The following NEK11 variants were observed in gnomAD, a reference collection of about 807,000 sequenced individuals.
The protein encoded by NEK11 is NIMA related kinase 11.
NEK11 carries 72 observed loss-of-function variants against 80.7 expected under a neutral mutation model. That is an observed-to-expected ratio of 0.89 (90% CI 0.74 to 1.08). The LOEUF (loss-of-function observed/expected upper bound fraction) is 1.08. NEK11 is among the 50% of genes least tolerant of loss of function. The pLI is 0.00. For missense variants in NEK11, 764 were observed against 763.6 expected, an observed-to-expected ratio of 1.00 and a Z score of -0.01; for synonymous variants, 251 against 260.7, an observed-to-expected ratio of 0.96 and a Z score of 0.36.
At chr3:131,240,238 A>G (rs2095500399) in intron 15 of NEK11, among the ~76,000 whole-genome samples, 1 of 152,122 alleles carries the variant, frequency 6.6e-6, no homozygotes, top group Non-Finnish European at 1.5e-5. Flanking sequence ...CTGTTCTTAG[A>G]CTTGGGAAAA....
intron 3 of NEK11, among the ~76,000 whole-genome samples, chr3:131,056,840 G>A (rs1291833809): frequency 3.3e-5 from 5 of 152,056 alleles, no homozygotes; most frequent in African/African-American, 1.2e-4. Flanking sequence ...TGCAGCCACA[G>A]GGGCAAGCCC....
intron 5 of NEK11, among the ~76,000 whole-genome samples, chr3:131,132,491 T>C (rs1250229507): frequency 1.3e-5 from 2 of 152,042 alleles, no homozygotes; most frequent in Non-Finnish European, 2.9e-5. Context: ...ATATAGCCTA[T>C]TGAAATAGTT....
At chr3:131,042,823 C>A (rs980718969) in intron 3 of NEK11, among the ~76,000 whole-genome samples, 1 of 152,172 alleles carries the variant, frequency 6.6e-6, no homozygotes, top group Non-Finnish European at 1.5e-5. Flanking sequence ...TGGGGAGACA[C>A]CTTCCAGCAG....
chr3:131,332,731 C>A (rs979213716), intron 17 of NEK11, among the ~76,000 whole-genome samples: 73 of 151,764 alleles, frequency 4.8e-4, no homozygotes, highest in Non-Finnish European at 9.4e-4. Context: ...AAAATTTAGA[C>A]GAATGTATAA....
At chr3:131,042,227 T>C (rs1351858600) in intron 3 of NEK11, among the ~76,000 whole-genome samples, 1 of 151,556 alleles carries the variant, frequency 6.6e-6, no homozygotes, top group Non-Finnish European at 1.5e-5. Context: ...TTTTTCCCTG[T>C]ATCCCAGTGG....
At chr3:131,104,106 C>T (rs1455057575) in intron 4 of NEK11, among the ~76,000 whole-genome samples, 1 of 152,122 alleles carries the variant, frequency 6.6e-6, no homozygotes, top group Non-Finnish European at 1.5e-5. Context: ...GATAGTTTGG[C>T]CTCTTCTCCA....
chr3:131,239,814 TTTCATTCATTCA>T (rs139825448), intron 15 of NEK11, among the ~76,000 whole-genome samples: 4 of 151,850 alleles, frequency 2.6e-5, no homozygotes, highest in African/African-American at 7.3e-5. Flanking sequence ...GCTAGGTAGC[TTTCATTCATTCA>T]TTCATTCATT....
intron 14 of NEK11, among the ~76,000 whole-genome samples, chr3:131,225,004 G>A (rs934550097): frequency 8.0e-4 from 122 of 152,224 alleles, no homozygotes; most frequent in African/African-American, 2.9e-3. Flanking sequence ...TATAAATGTA[G>A]TGTAGCCTAA....
At chr3:131,064,932 C>G (rs896208950) in intron 3 of NEK11, among the ~76,000 whole-genome samples, 4 of 151,862 alleles carry the variant, frequency 2.6e-5, no homozygotes, top group African/African-American at 9.7e-5. Context: ...GCCAAACTTA[C>G]AGAATGAATA....
chr3:131,075,509 T>A (rs927241283), intron 3 of NEK11, among the ~76,000 whole-genome samples: 6 of 152,296 alleles, frequency 3.9e-5, no homozygotes, highest in Middle Eastern at 3.4e-3. Context: ...TATTACTCTC[T>A]GCCATTATAT....
At chr3:131,251,709 A>G (rs894455705) in intron 16 of NEK11, among the ~76,000 whole-genome samples, 1 of 152,042 alleles carries the variant, frequency 6.6e-6, no homozygotes, top group Non-Finnish European at 1.5e-5. Flanking sequence ...TTGCTGCCCA[A>G]AACTGTGCAA....
At chr3:131,314,006 T>C (rs2096808271) in intron 17 of NEK11, among the ~76,000 whole-genome samples, 1 of 152,200 alleles carries the variant, frequency 6.6e-6, no homozygotes, top group African/African-American at 2.4e-5. Flanking sequence ...AATGCTGGCA[T>C]TTATTCTTGT....
At chr3:131,208,554 C>G (rs2094513089) in intron 14 of NEK11, among the ~76,000 whole-genome samples, 1 of 152,120 alleles carries the variant, frequency 6.6e-6, no homozygotes, top group African/African-American at 2.4e-5. Context: ...TTACCTTGGG[C>G]AGTATGGACA....
At chr3:131,082,422 T>C (rs1164947051) in intron 4 of NEK11, among the ~76,000 whole-genome samples, 1 of 152,220 alleles carries the variant, frequency 6.6e-6, no homozygotes, top group African/African-American at 2.4e-5. Context: ...ACTCTTTCCA[T>C]GTCTTAGAAT....
At chr3:131,148,179 T>G (rs2088788138) in intron 7 of NEK11, among the ~76,000 whole-genome samples, 1 of 151,946 alleles carries the variant, frequency 6.6e-6, no homozygotes, top group Non-Finnish European at 1.5e-5. Flanking sequence ...TTGATTTATT[T>G]TCATATATTA....
intron 5 of NEK11, among the ~76,000 whole-genome samples, chr3:131,128,511 T>C (rs1332681788): frequency 6.6e-6 from 1 of 152,224 alleles, no homozygotes; most frequent in Non-Finnish European, 1.5e-5. Context: ...CACTAAATAA[T>C]ATTCTATTGT....
At chr3:131,282,493 TG>T (rs781037537) in intron 17 of NEK11, among the ~76,000 whole-genome samples, 190 of 152,322 alleles carry the variant, frequency 1.2e-3, no homozygotes, top group Middle Eastern at 6.8e-3. Flanking sequence ...TCTGTATTTT[TG>T]CATCTGTGTC....
At chr3:131,319,780 A>AACCTT in intron 17 of NEK11, among the ~76,000 whole-genome samples, 1 of 152,112 alleles carries the variant, frequency 6.6e-6, no homozygotes, top group East Asian at 1.9e-4. Flanking sequence ...TCTATAACTG[A>AACCTT]ACCTTACTTT....
chr3:131,313,532 T>A (rs905014341), intron 17 of NEK11, among the ~76,000 whole-genome samples: 1 of 152,214 alleles, frequency 6.6e-6, no homozygotes, highest in African/African-American at 2.4e-5. Flanking sequence ...TGAGATGCTA[T>A]CTCATGATGG....
Sources: allele counts gnomAD v4.1 joint callset (sites outside exome capture counted in the v4.1 genomes callset), GRCh38; gene constraint gnomAD v4.1.1; transcripts MANE v1.5; gene names NCBI Gene and HGNC (gene_info 2026-07-23, HGNC 2026-07-21).